The following USP32 variants were observed in gnomAD, a reference collection of about 807,000 sequenced individuals.
USP32 encodes ubiquitin specific peptidase 32, also known as ubiquitin carboxyl-terminal hydrolase 32.
A neutral mutation model predicts 204.8 loss-of-function variants in USP32; 59 were observed. The ratio of observed to expected loss-of-function variants is 0.29; its 90% CI spans 0.23 to 0.36. USP32 has a LOEUF of 0.36. Ranked by LOEUF, USP32 falls within the 10% of genes least tolerant of loss-of-function variation. USP32 has a pLI of 1.00. For synonymous variants in USP32, 517 were observed against 678.4 expected (o/e 0.76, Z 3.70); for missense variants, 1,160 against 1,946.4 (o/e 0.60, Z 7.60).
intron 26 of USP32, among the ~76,000 whole-genome samples, chr17:60,201,042 G>C (rs1250623792): frequency 1.3e-5 from 2 of 152,220 alleles, no homozygotes; most frequent in African/African-American, 4.8e-5. Context: ...ATTTTCTGTA[G>C]AGATGGGGTT....
At chr17:60,219,551 T>C (rs2085188533) in intron 16 of USP32, 119 bp downstream of exon 16, 7 of 1,445,830 alleles carry the variant, frequency 4.8e-6, no homozygotes, top group Non-Finnish European at 6.5e-6. Context: ...TCGAGCAACG[T>C]AGTTTTCACC....
At chr17:60,264,148 C>T (rs184653162) in intron 9 of USP32, among the ~76,000 whole-genome samples, 16 of 151,966 alleles carry the variant, frequency 1.1e-4, no homozygotes, top group Admixed American at 4.6e-4. Flanking sequence ...TTATAAAGTA[C>T]ATGTTTATTT....
chr17:60,347,125 A>G (rs1283075272), intron 1 of USP32, among the ~76,000 whole-genome samples: 2 of 152,212 alleles, frequency 1.3e-5, no homozygotes, highest in African/African-American at 4.8e-5. Flanking sequence ...AATTTGGGAA[A>G]TATCCAGAGG....
intron 5 of USP32, among the ~76,000 whole-genome samples, chr17:60,272,561 G>T (rs953426391): frequency 6.6e-6 from 1 of 152,160 alleles, no homozygotes; most frequent in African/African-American, 2.4e-5. Context: ...GGAGTAACTA[G>T]CACCAGACTT....
intron 1 of USP32, among the ~76,000 whole-genome samples, chr17:60,365,395 C>T (rs977921028): frequency 8.6e-5 from 13 of 152,010 alleles, no homozygotes; most frequent in Admixed American, 2.0e-4. Context: ...GTAGGATAAT[C>T]GCTTGAACAC....
chr17:60,381,982 T>C (rs1005278460), intron 1 of USP32, among the ~76,000 whole-genome samples: 6 of 152,234 alleles, frequency 3.9e-5, no homozygotes, highest in African/African-American at 7.2e-5. Flanking sequence ...ACTTTTTTTG[T>C]GTGTATGTGT....
At chr17:60,346,999 C>T (rs2088802088) in intron 1 of USP32, among the ~76,000 whole-genome samples, 1 of 152,122 alleles carries the variant, frequency 6.6e-6, no homozygotes, top group Non-Finnish European at 1.5e-5. Context: ...ATAAAAACTG[C>T]AGGCAGACGA....
intron 6 of USP32, among the ~76,000 whole-genome samples, chr17:60,270,297 A>C (rs917176513): frequency 6.6e-6 from 1 of 152,242 alleles, no homozygotes; most frequent in South Asian, 2.1e-4. Context: ...GGCTCCCCTG[A>C]CAAGTACTTC....
intron 14 of USP32, 42 bp from the exon 15 acceptor site, chr17:60,222,591 A>T: frequency 6.3e-7 from 1 of 1,598,940 alleles, no homozygotes; most frequent in Non-Finnish European, 8.5e-7. Flanking sequence ...TCAATATTAC[A>T]AAAGTTTTTG....
intron 14 of USP32, 122 bp from the exon 15 acceptor site, chr17:60,222,671 A>C: frequency 1.0e-6 from 1 of 1,004,668 alleles, no homozygotes. Context: ...TTGCTGGAAA[A>C]ACTTAATTTT....
chr17:60,363,148 T>C (rs2089243147), intron 1 of USP32, among the ~76,000 whole-genome samples: 1 of 151,544 alleles, frequency 6.6e-6, no homozygotes, highest in Admixed American at 6.6e-5. Context: ...TATTAAATTT[T>C]TTAAATTAAA....
chr17:60,376,723 T>A (rs768909965), intron 1 of USP32, among the ~76,000 whole-genome samples: 1 of 151,916 alleles, frequency 6.6e-6, no homozygotes, highest in Admixed American at 6.6e-5. Context: ...GGTTTCACCA[T>A]GTTGGCCAGG....
chr17:60,318,510 G>A (rs1186854172), intron 2 of USP32, among the ~76,000 whole-genome samples: 1 of 152,148 alleles, frequency 6.6e-6, no homozygotes, highest in African/African-American at 2.4e-5. Flanking sequence ...TCAAACAGCT[G>A]AACTCTACCT....
At chr17:60,303,147 C>T (rs919231476) in intron 2 of USP32, among the ~76,000 whole-genome samples, 3 of 152,110 alleles carry the variant, frequency 2.0e-5, no homozygotes, top group Admixed American at 2.0e-4. Context: ...GAAATAGCTA[C>T]AGAACATTAA....
chr17:60,212,288 G>A (rs949742279), intron 18 of USP32, among the ~76,000 whole-genome samples, 190 bp from the exon 19 acceptor site: 1 of 152,064 alleles, frequency 6.6e-6, no homozygotes. Flanking sequence ...TTGTCTTTGT[G>A]TGAACATCAC....
intron 1 of USP32, among the ~76,000 whole-genome samples, chr17:60,361,249 C>T (rs545253933): frequency 1.3e-5 from 2 of 152,272 alleles, no homozygotes; most frequent in Admixed American, 6.5e-5. Context: ...TTCAGTCTTC[C>T]CCAAGAGATA....
chr17:60,298,821 C>G (rs1269344962), intron 3 of USP32, among the ~76,000 whole-genome samples: 1 of 152,082 alleles, frequency 6.6e-6, no homozygotes, highest in African/African-American at 2.4e-5. Context: ...ATACACGTGT[C>G]AAAACATATA....
At chr17:60,347,645 G>A (rs1482872060) in intron 1 of USP32, among the ~76,000 whole-genome samples, 7 of 146,170 alleles carry the variant, frequency 4.8e-5, no homozygotes, top group East Asian at 2.1e-4. Flanking sequence ...GAGCCACCGC[G>A]CCCGGCCTAC....
chr17:60,326,346 C>T (rs73320708), intron 2 of USP32, among the ~76,000 whole-genome samples: 6,691 of 151,234 alleles, frequency 0.044, 536 homozygotes, highest in African/African-American at 0.15. Context: ...GTTTCGCTCT[C>T]GTCGCCCCGG....
Sources: gnomAD v4.1 joint callset for allele counts (sites outside exome capture counted in the v4.1 genomes callset) on GRCh38, gnomAD v4.1.1 for gene constraint, MANE v1.5 for transcripts, NCBI Gene and HGNC (gene_info 2026-07-23, HGNC 2026-07-21) for gene names.